Variants in TMCO6 observed in about 807,000 individuals in gnomAD.
TMCO6 encodes transmembrane and coiled-coil domain-containing protein 6.
A neutral mutation model predicts 61.8 loss-of-function variants in TMCO6; 47 were observed. That is an observed-to-expected ratio of 0.76 (90% CI 0.60 to 0.97). The LOEUF (loss-of-function observed/expected upper bound fraction) is 0.97. Among genes scored for constraint, TMCO6 ranks in the 50% least tolerant of loss-of-function variants. The pLI is 0.00. For missense variants in TMCO6, 557 were observed against 601.6 expected (o/e 0.93, Z 0.78); for synonymous variants, 261 against 254.2 (o/e 1.03, Z -0.25).
chr5:140,644,877 C>T, intron 11 of TMCO6, 108 bp from the exon 12 acceptor site: 28 of 1,503,878 alleles, frequency 1.9e-5, no homozygotes, highest in South Asian at 4.8e-5. Context: ...AAACTTCATC[C>T]TCTTGTTGGG....
At chr5:140,602,540 G>A in the TMCO6 span, among the ~76,000 whole-genome samples, 2 of 151,916 alleles carry the variant, frequency 1.3e-5, no homozygotes, top group African/African-American at 4.8e-5. Context: ...GAGGCACGTG[G>A]ATCACTTGAG....
chr5:140,612,876 T>G, the TMCO6 span, among the ~76,000 whole-genome samples: 1 of 152,206 alleles, frequency 6.6e-6, no homozygotes, highest in Non-Finnish European at 1.5e-5. Flanking sequence ...TTTGGTCTAG[T>G]CCTCAGCCCA....
the TMCO6 span, among the ~76,000 whole-genome samples, chr5:140,623,240 C>G: frequency 6.6e-6 from 1 of 152,132 alleles, no homozygotes; most frequent in Non-Finnish European, 1.5e-5. Flanking sequence ...TTGTGAAGAC[C>G]CTGTTTCCCT....
At chr5:140,630,220 T>C in the TMCO6 span, among the ~76,000 whole-genome samples, 1 of 151,960 alleles carries the variant, frequency 6.6e-6, no homozygotes, top group Admixed American at 6.6e-5. Context: ...ACTCGATCTC[T>C]TGACCTCGTG....
chr5:140,624,538 A>C, the TMCO6 span, among the ~76,000 whole-genome samples: 1 of 152,158 alleles, frequency 6.6e-6, no homozygotes, highest in Non-Finnish European at 1.5e-5. Context: ...ACTTCTAAGC[A>C]ACCACAAATC....
the TMCO6 span, among the ~76,000 whole-genome samples, chr5:140,614,338 G>A: frequency 3.9e-5 from 6 of 151,944 alleles, no homozygotes; most frequent in African/African-American, 9.7e-5. Flanking sequence ...GAGAAACCCC[G>A]TCTCTACTAA....
chr5:140,606,905 C>A, the TMCO6 span, among the ~76,000 whole-genome samples: 1 of 151,446 alleles, frequency 6.6e-6, no homozygotes. Flanking sequence ...TGGAATACAA[C>A]GATGTTGATG....
At chr5:140,620,243 A>G in the TMCO6 span, among the ~76,000 whole-genome samples, 1 of 152,230 alleles carries the variant, frequency 6.6e-6, no homozygotes, top group Non-Finnish European at 1.5e-5. Flanking sequence ...AAAAACTTAG[A>G]TCCATATTAC....
the TMCO6 span, among the ~76,000 whole-genome samples, chr5:140,611,317 C>G: frequency 6.6e-6 from 1 of 152,150 alleles, no homozygotes; most frequent in Admixed American, 6.6e-5. Flanking sequence ...CACCCCCAGT[C>G]TGCTTTTAGC....
chr5:140,626,028 C>T, the TMCO6 span, among the ~76,000 whole-genome samples: 1 of 152,150 alleles, frequency 6.6e-6, no homozygotes, highest in Non-Finnish European at 1.5e-5. Flanking sequence ...CCTTCTTTAG[C>T]ACGGTCTCTT....
chr5:140,636,468 CA>C (rs762918105), upstream of TMCO6, among the ~76,000 whole-genome samples: 68 of 110,158 alleles, frequency 6.2e-4, no homozygotes, highest in Non-Finnish European at 9.0e-4. Flanking sequence ...GACCCTGGCT[CA>C]AAAAAAAAAA....
Position 140,641,918 on chromosome 5 carries a change from G to T in TMCO6, c.363G>T (p.Gln121His). ...RTLVGLLTSNQALLQLEAARC... is the reference protein window; with the variant it reads ...RTLVGLLTSNHALLQLEAARC... ...TGGTCGGGCTCCTGACCAGCAACCA[G>T]GCCCTGCTGCAGCTTGAGGCGGCTC... is the stretch of plus-strand genomic sequence containing the variant. Residue 121 changes from glutamine to histidine, a missense_variant, in exon 4 of 12, where the codon CAG becomes CAT. By Grantham distance (24) the Gln-to-His change is conservative. Coordinates refer to ENST00000394671, the MANE Select transcript of TMCO6 (RefSeq NM_018502.5). 1 of 1,613,728 alleles carries T rather than the reference G, an allele frequency of 6.2e-7. No homozygotes were observed. The highest frequency in any genetic ancestry group is 8.5e-7 in the Non-Finnish European group (1 of 1,179,630).
intron 2 of TMCO6, 22 bp downstream of exon 2, chr5:140,639,873 C>G (rs1267902969): frequency 6.3e-7 from 1 of 1,578,026 alleles, no homozygotes. Context: ...AGGTAGGGTG[C>G]GCTGGAGTCC....
chr5:140,625,443 C>A, the TMCO6 span, among the ~76,000 whole-genome samples: 1 of 152,180 alleles, frequency 6.6e-6, no homozygotes, highest in Non-Finnish European at 1.5e-5. Context: ...TCCTGGACTG[C>A]TCTTCCAGCA....
At chr5:140,625,039 A>C in the TMCO6 span, among the ~76,000 whole-genome samples, 2 of 151,584 alleles carry the variant, frequency 1.3e-5, no homozygotes, top group African/African-American at 2.4e-5. Flanking sequence ...TTTTTAGTAG[A>C]AACGGGGTTT....
chr5:140,645,663 G>A (rs764229251), downstream of TMCO6: 21 of 1,614,018 alleles, frequency 1.3e-5, no homozygotes, highest in African/African-American at 5.3e-5. Context: ...AGGGACATTC[G>A]TCTCTTGGCC....
downstream of TMCO6, chr5:140,645,735 TA>T (rs1207304310): frequency 6.2e-7 from 1 of 1,612,660 alleles, no homozygotes; most frequent in Non-Finnish European, 8.5e-7. Context: ...GCTACCAAAG[TA>T]AAATAAAAGA....
upstream of TMCO6, among the ~76,000 whole-genome samples, chr5:140,635,502 G>C (rs545830361): frequency 7.2e-5 from 11 of 152,318 alleles, no homozygotes; most frequent in Middle Eastern, 3.4e-3. Context: ...CATCATCTTA[G>C]GGGAGGCACT....
intron 2 of TMCO6, 60 bp downstream of exon 2, chr5:140,639,911 G>A (rs1462935170): frequency 2.8e-6 from 4 of 1,447,280 alleles, no homozygotes; most frequent in Non-Finnish European, 3.8e-6. Flanking sequence ...ACTCCCGGGA[G>A]TACTCGAGGT....
Sources: gnomAD v4.1 joint callset for allele counts (sites outside exome capture counted in the v4.1 genomes callset) on GRCh38, gnomAD v4.1.1 for gene constraint, MANE v1.5 for transcripts, NCBI Gene and HGNC (gene_info 2026-07-23, HGNC 2026-07-21) for gene names.